NXN: variants seen among roughly 807,000 people sequenced by gnomAD.
NXN encodes nucleoredoxin, also known as nucleoredoxin 1.
Under a neutral mutation model 48.6 loss-of-function variants are expected in NXN, and 16 were observed. That is an observed-to-expected ratio of 0.33 (90% CI 0.22 to 0.50). The LOEUF is 0.50. Ranked by LOEUF, NXN falls within the 20% of genes least tolerant of loss-of-function variation. The probability of loss-of-function intolerance (pLI) is 0.98; values close to 1 mark genes in which losing one functional copy is unlikely to be tolerated. For synonymous variants in NXN, 281 were observed against 269.6 expected (o/e 1.04, Z -0.41); for missense variants, 492 against 605.5 (o/e 0.81, Z 1.97).
intron 1 of NXN, among the ~76,000 whole-genome samples, chr17:858,982 G>A (rs2068015259): frequency 6.6e-6 from 1 of 152,136 alleles, no homozygotes. Context: ...AAGGCTCTCT[G>A]GCATGATACA....
Position 979,743 on chromosome 17 carries a change from G to T in NXN, c.-65C>A. On this transcript the variant is annotated 5_prime_UTR_variant, in exon 1 of 8. Coordinates refer to ENST00000336868, the MANE Select transcript of NXN (RefSeq NM_022463.5). Reference sequence around the variant, plus strand: ...CTCCACGGTCCGCGCGGCGGGAGGAGGCGGCGGCGTCGGCGGCAGGCGCTG... The same window carrying T: ...CTCCACGGTCCGCGCGGCGGGAGGATGCGGCGGCGTCGGCGGCAGGCGCTG... 2 of 1,237,790 alleles carry T rather than the reference G, an allele frequency of 1.6e-6. No homozygotes were observed. The highest frequency in any genetic ancestry group is 2.0e-6 in the Non-Finnish European group (2 of 981,868). 76.7% of individuals were successfully genotyped at this position (1,237,790 alleles called of 1,614,324 possible).
intron 1 of NXN, among the ~76,000 whole-genome samples, chr17:902,591 A>G (rs2068547229): frequency 6.6e-6 from 1 of 152,026 alleles, no homozygotes; most frequent in African/African-American, 2.4e-5. Context: ...GCTTTCTAGG[A>G]CTTACTTTCT....
At chr17:937,158 A>G (rs2068916767) in intron 1 of NXN, among the ~76,000 whole-genome samples, 1 of 151,840 alleles carries the variant, frequency 6.6e-6, no homozygotes, top group Non-Finnish European at 1.5e-5. Flanking sequence ...GATTTTTTGT[A>G]TTTTTTGTAG....
In NXN at chr17:932,097, T is replaced by G. The variant is rs568336253; in HGVS notation, c.360+47222A>C. On this transcript the variant is annotated intron_variant, in intron 1 of 7. Coordinates refer to ENST00000336868, the MANE Select transcript of NXN (RefSeq NM_022463.5). The surrounding 1 kb of genome is among the most constrained non-coding windows in gnomAD (Gnocchi z 4.1). ...AGACGGAGGTTGCAGTGAGCTGAGATTGCACCACTGCACTCCAGCCTGGGC... is the reference window on the plus strand; with the variant it reads ...AGACGGAGGTTGCAGTGAGCTGAGAGTGCACCACTGCACTCCAGCCTGGGC... 6.6e-6 allele frequency among the ~76,000 whole-genome samples: 1 copy of G among 151,838 alleles called. No individual in the cohort carries two copies. The highest frequency in any genetic ancestry group is 2.1e-4 in the South Asian group (1 of 4,800).
chr17:826,298 G>A (rs1913096653), intron 1 of NXN, among the ~76,000 whole-genome samples: 2 of 151,442 alleles, frequency 1.3e-5, no homozygotes, highest in Non-Finnish European at 1.5e-5. Context: ...TCCGAGGAGG[G>A]AGGTGATGGT....
At chr17:896,509 A>G (rs2068487772) in intron 1 of NXN, among the ~76,000 whole-genome samples, 1 of 152,206 alleles carries the variant, frequency 6.6e-6, no homozygotes, top group African/African-American at 2.4e-5. Context: ...CTGTGTCTAA[A>G]ACACAAGAAT....
intron 5 of NXN, among the ~76,000 whole-genome samples, chr17:818,174 T>C (rs1370245830): frequency 1.3e-5 from 2 of 152,002 alleles, no homozygotes; most frequent in Non-Finnish European, 2.9e-5. Flanking sequence ...GGTGAGAGGA[T>C]GGCTTGAGCC....
chr17:873,235 G>A (rs557804221), intron 1 of NXN, among the ~76,000 whole-genome samples: 12 of 151,976 alleles, frequency 7.9e-5, no homozygotes, highest in East Asian at 1.9e-4. Context: ...GGTGGCTCAC[G>A]CCTGTAATCC....
rs1220493023 is a variant in NXN at position 805,077 on chromosome 17, G to C, written c.991C>G (p.Leu331Val). The change falls in exon 6 of 8, where the codon CTT becomes GTT. Residue 331 changes from leucine to valine, a missense_variant. Leu to Val is a conservative substitution (Grantham distance 32). Coordinates refer to ENST00000336868, the MANE Select transcript of NXN (RefSeq NM_022463.5). ...CCCGTGAGCTTCATACCTACAAAAA[G>C]GACGAGGCAGGGGCCCTCGTTAAGC... ...AQLNEGPCLV[L>V]FVDSEDDGES... The C allele has an allele frequency of 8.3e-6, 13 of 1,558,880 alleles. No homozygotes were observed. Among genetic ancestry groups the C allele is most frequent in the Non-Finnish European group, 1.1e-5 (13 of 1,148,212 alleles).
At chr17:820,494 C>T (rs1342883559) in intron 4 of NXN, among the ~76,000 whole-genome samples, 1 of 149,548 alleles carries the variant, frequency 6.7e-6, no homozygotes, top group Non-Finnish European at 1.5e-5. Context: ...CGCCTGTAGT[C>T]CCAGCTACTT....
At position 800,947 on chromosome 17, in the gene NXN, C is replaced by T. The variant is rs779050017; in HGVS notation, c.*2G>A. 20 of 1,458,624 alleles carry T rather than the reference C, an allele frequency of 1.4e-5. No individual in the cohort carries two copies. The highest frequency in any genetic ancestry group is 4.4e-5 in the South Asian group (3 of 68,128). The allele number at this position is 1,458,624 out of a possible 1,614,324, so 90.4% of individuals were successfully genotyped here. ...ATAACGTCTCAGGAGGCCGGAGCCA[C>T]GCTAGATGGGCTCCGGTTTGAGCTT... is the stretch of plus-strand genomic sequence containing the variant. On this transcript the variant is annotated 3_prime_UTR_variant, in exon 8 of 8. Transcript: ENST00000336868.
rs186047399 is a variant in NXN, at chr17:902,334, T to C, written c.361-76256A>G. ...TAACTTCCCGTGAGATCCACGAGGATCCGTGAGGTTGATACTTCAAGTCGA... is the reference window on the plus strand; with the variant it reads ...TAACTTCCCGTGAGATCCACGAGGACCCGTGAGGTTGATACTTCAAGTCGA... On this transcript the variant is annotated intron_variant, in intron 1 of 7. Transcript: ENST00000336868. Among the ~76,000 whole-genome samples, 40 of 152,292 alleles carry C rather than the reference T, an allele frequency of 2.6e-4. No individual in the cohort carries two copies. In the East Asian group the frequency reaches 7.3e-3, roughly 28 times the overall value.
At chr17:873,021 A>G (rs2068176158) in intron 1 of NXN, among the ~76,000 whole-genome samples, 1 of 152,200 alleles carries the variant, frequency 6.6e-6, no homozygotes, top group Admixed American at 6.5e-5. Flanking sequence ...AGAAAAAACT[A>G]AATAGAAAAA....
At chr17:924,989 A>G (rs1279428862) in intron 1 of NXN, among the ~76,000 whole-genome samples, 1 of 152,198 alleles carries the variant, frequency 6.6e-6, no homozygotes, top group Non-Finnish European at 1.5e-5. Flanking sequence ...AAGGAAAAGT[A>G]ACTATTTGCT....
intron 1 of NXN, among the ~76,000 whole-genome samples, chr17:940,654 A>C (rs1291369642): frequency 2.6e-4 from 39 of 151,296 alleles, no homozygotes; most frequent in African/African-American, 9.2e-4. Flanking sequence ...ATGAACTCAC[A>C]TCACACCTTC....
intron 1 of NXN, among the ~76,000 whole-genome samples, chr17:844,354 C>T (rs1467915881): frequency 6.9e-6 from 1 of 145,120 alleles, no homozygotes; most frequent in Non-Finnish European, 1.5e-5. Flanking sequence ...ATCATACGTC[C>T]CGTCCTGCCC....
chr17:834,202 G>C (rs781471401), intron 1 of NXN, among the ~76,000 whole-genome samples: 23 of 152,144 alleles, frequency 1.5e-4, no homozygotes, highest in Non-Finnish European at 3.2e-4. Flanking sequence ...CACTCCTGTA[G>C]CTCCAGCTGC....
intron 2 of NXN, among the ~76,000 whole-genome samples, chr17:824,279 C>A (rs533957390): frequency 2.2e-4 from 34 of 152,196 alleles, no homozygotes; most frequent in Admixed American, 9.2e-4. Context: ...GATCTCCTGA[C>A]CTCGTGATCC....
intron 1 of NXN, among the ~76,000 whole-genome samples, chr17:848,044 C>T (rs2067884037): frequency 6.6e-6 from 1 of 152,082 alleles, no homozygotes. Flanking sequence ...AGATGAAACA[C>T]TACGAATTAA....
Sources: allele counts gnomAD v4.1 joint callset (sites outside exome capture counted in the v4.1 genomes callset), GRCh38; gene constraint gnomAD v4.1.1; non-coding constraint Gnocchi (gnomAD v3.1); transcripts MANE v1.5; gene names NCBI Gene and HGNC (gene_info 2026-07-23, HGNC 2026-07-21).